Variants in CYB561D1 observed in about 807,000 individuals in gnomAD.
The protein encoded by CYB561D1 is probable transmembrane reductase CYB561D1.
CYB561D1 carries 15 observed loss-of-function variants against 19.2 expected under a neutral mutation model. That is an observed-to-expected ratio of 0.78 (90% confidence interval 0.52 to 1.20). The LOEUF (loss-of-function observed/expected upper bound fraction) is 1.20. CYB561D1 is among the 50% of genes most tolerant of loss of function. The pLI is 0.00. For missense variants in CYB561D1, 297 were observed against 287.3 expected, an observed-to-expected ratio of 1.03 and a Z score of -0.24; for synonymous variants, 133 against 120.6, an observed-to-expected ratio of 1.10 and a Z score of -0.68.
chr1:109,495,075 G>A (rs1657445199), intron 1 of CYB561D1, 68 bp from the exon 2 acceptor site: 3 of 1,550,904 alleles, frequency 1.9e-6, no homozygotes, highest in Non-Finnish European at 2.7e-6. Flanking sequence ...AGATTCTTTG[G>A]GTTCCACCTA....
rs986443910 is a variant in CYB561D1, at chr1:109,495,199, C to A, written c.186+19C>A. The A allele has an allele frequency of 6.2e-7, 1 of 1,614,070 alleles. No homozygotes were observed. Among genetic ancestry groups the A allele is most frequent in the Non-Finnish European group, 8.5e-7 (1 of 1,179,918 alleles). The stretch of plus-strand genomic sequence containing the variant: ...CTTGGCGGTGAGTTTAGGCTTCTAT[C>A]TGATTTGTTTGGGTATTCCTCACCT... On this transcript the variant is annotated intron_variant, in intron 2 of 2. Coordinates refer to ENST00000420578, the MANE Select transcript of CYB561D1 (RefSeq NM_182580.3).
In CYB561D1 at chr1:109,496,210, T is replaced by C; in HGVS notation, c.641T>C (p.Met214Thr). ...ALPVYPALVI[M>T]HQISRSYLPR... ...CCCGTCTATCCAGCCCTGGTGATCATGCACCAGATTTCCAGATCCTACTTG... is the reference window on the plus strand; with the variant it reads ...CCCGTCTATCCAGCCCTGGTGATCACGCACCAGATTTCCAGATCCTACTTG... Residue 214 changes from methionine (M) to threonine (T), a missense_variant, in exon 3 of 3, where the codon ATG (methionine) becomes ACG (threonine). Transcript: ENST00000420578. The C allele has an allele frequency of 6.3e-7, 1 of 1,581,576 alleles. No homozygotes were observed. The highest frequency in any genetic ancestry group is 8.6e-7 in the Non-Finnish European group (1 of 1,157,624).
In CYB561D1 at chr1:109,498,518, AG is replaced by A. The variant is rs1455280447; in HGVS notation, c.*2262del. Reference sequence around the variant, plus strand: ...TTCATCCTGGCAGGCCGGATTGTGGAGGGACTTCCCTCCCCCTCTTTTCCAT... The same window carrying A: ...TTCATCCTGGCAGGCCGGATTGTGGAGGACTTCCCTCCCCCTCTTTTCCAT... On this transcript the variant is annotated 3_prime_UTR_variant, in exon 3 of 3. Transcript: ENST00000420578. 2 of 152,122 alleles carry A rather than the reference AG, an allele frequency of 1.3e-5. No homozygotes were observed. Among genetic ancestry groups the A allele is most frequent in the Non-Finnish European group, 2.9e-5 (2 of 68,080 alleles). The allele number at this position is 152,122 out of a possible 1,614,324, so 9.4% of individuals were successfully genotyped here.
In CYB561D1 at chr1:109,495,164, T is replaced by TA. The variant is rs756805583; in HGVS notation, c.171dup (p.Phe58IlefsTer12). ...TTAGGTCTTTTCTCCTGGCACCCTGTATTCATGGCCTTGGCGGTGAGTTTA... is the reference window on the plus strand; with the variant it reads ...TTAGGTCTTTTCTCCTGGCACCCTGTAATTCATGGCCTTGGCGGTGAGTTTA... On this transcript the variant is annotated frameshift_variant, in exon 2 of 3. Coordinates refer to ENST00000420578, the MANE Select transcript of CYB561D1 (RefSeq NM_182580.3). LOFTEE classifies it high-confidence loss of function. The TA allele has an allele frequency of 2.4e-5, 38 of 1,614,128 alleles. No individual in the cohort carries two copies. Among genetic ancestry groups the TA allele is most frequent in the Non-Finnish European group, 3.2e-5 (38 of 1,180,048 alleles).
At position 109,495,920 on chromosome 1, in the gene CYB561D1, CA is replaced by C; in HGVS notation, c.352del (p.Ser118ValfsTer16). On this transcript the variant is annotated frameshift_variant, in exon 3 of 3. Coordinates refer to ENST00000420578, the MANE Select transcript of CYB561D1 (RefSeq NM_182580.3). LOFTEE classifies it high-confidence loss of function. ...GCTTCATCATCTCCAGCAGGACCCG[CA>C]GTGAGCTGCCTCATCTGGTGTCCTG... ...LGFIISSRTR[S>X]ELPHLVSWHS... is the part of the protein sequence containing the mutation. The C allele has an allele frequency of 6.2e-7, 1 of 1,614,068 alleles. No individual in the cohort carries two copies. Among genetic ancestry groups the C allele is most frequent in the Non-Finnish European group, 8.5e-7 (1 of 1,180,018 alleles).
intron 2 of CYB561D1, chr1:109,495,552 A>C: frequency 1.1e-6 from 1 of 912,272 alleles, no homozygotes; most frequent in Non-Finnish European, 1.6e-6. Flanking sequence ...GGATGGGGAG[A>C]TGTCAACCTG....
chr1:109,495,231 C>G, intron 2 of CYB561D1, 51 bp downstream of exon 2: 1 of 1,595,062 alleles, frequency 6.3e-7, no homozygotes, highest in South Asian at 1.1e-5. Context: ...ACCTCATTCT[C>G]CCAGGGAAGC....
rs1450346820 is a variant in CYB561D1, at chr1:109,498,132, C to T, written c.*1873C>T. ...GTGCTGAGAGGCTCCTTCTACCTGC[C>T]GCAGGGTAGGAGGGCCAGGCAAAGT... On this transcript the variant is annotated 3_prime_UTR_variant, in exon 3 of 3. Transcript: ENST00000420578. 1.3e-5 allele frequency: 2 copies of T among 152,186 alleles called. No homozygotes were observed. The highest frequency in any genetic ancestry group is 4.8e-5 in the African/African-American group (2 of 41,422). 9.4% of individuals were successfully genotyped at this position (152,186 alleles called of 1,614,324 possible).
In CYB561D1 at chr1:109,498,285, G is replaced by T. The variant is rs1657688601; in HGVS notation, c.*2026G>T. ...CAGGCGTGCTGACAGCCGGCAGTTTGCGTGGGCTGTGCCATCTGATGTCTA... is the reference window on the plus strand; with the variant it reads ...CAGGCGTGCTGACAGCCGGCAGTTTTCGTGGGCTGTGCCATCTGATGTCTA... On this transcript the variant is annotated 3_prime_UTR_variant, in exon 3 of 3. Transcript: ENST00000420578. The T allele has an allele frequency of 6.6e-6, 1 of 152,406 alleles. No individual in the cohort carries two copies. Among genetic ancestry groups the T allele is most frequent in the Non-Finnish European group, 1.5e-5 (1 of 68,138 alleles). The allele number at this position is 152,406 out of a possible 1,614,324, so 9.4% of individuals were successfully genotyped here.
In CYB561D1 at chr1:109,499,101, C is replaced by G. The variant is rs2275277; in HGVS notation, c.*2842C>G. On this transcript the variant is annotated 3_prime_UTR_variant, in exon 3 of 3. Transcript: ENST00000420578. Reference sequence around the variant, plus strand: ...GGTTCAGATACCCCTCCCAAGCCCCCGTCTTTTCTGTAACCACCCCTCCTC... The same window carrying G: ...GGTTCAGATACCCCTCCCAAGCCCCGGTCTTTTCTGTAACCACCCCTCCTC... The G allele has an allele frequency of 3.3e-5, 5 of 152,122 alleles. No homozygotes were observed. The highest frequency in any genetic ancestry group is 3.3e-4 in the Admixed American group (5 of 15,280). 9.4% of individuals were successfully genotyped at this position (152,122 alleles called of 1,614,324 possible).
chr1:109,499,927 C>T lies in CYB561D1; in HGVS notation c.*3668C>T, dbSNP rs1282688384. 1 of 152,306 alleles carries T rather than the reference C, an allele frequency of 6.6e-6. No individual in the cohort carries two copies. Among genetic ancestry groups the T allele is most frequent in the Non-Finnish European group, 1.5e-5 (1 of 68,084 alleles). 9.4% of individuals were successfully genotyped at this position (152,306 alleles called of 1,614,324 possible). ...GCCACGCCTTGCAGTGACTTCTCGT[C>T]TGGGAGTGGGCACTGAGTCCTCTCA... On this transcript the variant is annotated 3_prime_UTR_variant, in exon 3 of 3. Coordinates refer to ENST00000420578, the MANE Select transcript of CYB561D1 (RefSeq NM_182580.3).
In CYB561D1 at chr1:109,494,298, G is replaced by A. The variant is rs1657354062; in HGVS notation, c.148+11G>A. ...CCCGGCCAGGAACCAGTGAGTGTGC[G>A]GGGCGGGGTTGCGGAAGGGGGCGGA... On this transcript the variant is annotated intron_variant, in intron 1 of 2. Transcript: ENST00000420578. 1.9e-6 allele frequency: 3 copies of A among 1,573,482 alleles called. No individual in the cohort carries two copies. The highest frequency in any genetic ancestry group is 2.3e-5 in the East Asian group (1 of 43,292).
chr1:109,494,861 C>CA (rs1020034254), intron 1 of CYB561D1, among the ~76,000 whole-genome samples: 6 of 150,524 alleles, frequency 4.0e-5, no homozygotes, highest in Non-Finnish European at 7.4e-5. Context: ...AAACAACAAC[C>CA]AAAAAAAACA....
chr1:109,495,301 G>A (rs1657461555), intron 2 of CYB561D1, 121 bp downstream of exon 2: 1 of 1,187,220 alleles, frequency 8.4e-7, no homozygotes, highest in Non-Finnish European at 1.2e-6. Context: ...AAACATCTAG[G>A]GCTCATCTTT....
rs760046325 is a variant in CYB561D1 at position 109,494,245 on chromosome 1, G to C, written c.106G>C (p.Gly36Arg). 5 of 1,584,080 alleles carry C rather than the reference G, an allele frequency of 3.2e-6. No individual in the cohort carries two copies. The South Asian group carries it at 5.8e-5, about 18-fold the overall frequency. ...GATCTTGGCGCACCTGGTAGCTTTG[G>C]GCTTCACCATCTTTCTGACAGCGCT... ...SGILAHLVALGFTIFLTALSR... is the reference protein window; with the variant it reads ...SGILAHLVALRFTIFLTALSR... The change falls in exon 1 of 3, where the codon GGC becomes CGC. Residue 36 changes from glycine to arginine, a missense_variant. Gly to Arg is a moderately radical substitution (Grantham distance 125, BLOSUM62 -2). Coordinates refer to ENST00000420578, the MANE Select transcript of CYB561D1 (RefSeq NM_182580.3).
rs1219914792 is a variant in CYB561D1 at position 109,499,715 on chromosome 1, C to T, written c.*3456C>T. On this transcript the variant is annotated 3_prime_UTR_variant, in exon 3 of 3. Coordinates refer to ENST00000420578, the MANE Select transcript of CYB561D1 (RefSeq NM_182580.3). ...GCATCCTCCCTAAGCCAGCTGGCCG[C>T]TGTGCTAAAGCCTGTTCAGAGTTAA... is the stretch of plus-strand genomic sequence containing the variant. 6.6e-6 allele frequency: 1 copy of T among 152,248 alleles called. No individual in the cohort carries two copies. The highest frequency in any genetic ancestry group is 1.5e-5 in the Non-Finnish European group (1 of 68,074). 9.4% of individuals were successfully genotyped at this position (152,248 alleles called of 1,614,324 possible).
At position 109,494,293 on chromosome 1, in the gene CYB561D1, T is replaced by C; in HGVS notation, c.148+6T>C. 1 of 1,578,290 alleles carries C rather than the reference T, an allele frequency of 6.3e-7. No individual in the cohort carries two copies. The highest frequency in any genetic ancestry group is 8.6e-7 in the Non-Finnish European group (1 of 1,160,882). Reference sequence around the variant, plus strand: ...GCTGTCCCGGCCAGGAACCAGTGAGTGTGCGGGGCGGGGTTGCGGAAGGGG... The same window carrying C: ...GCTGTCCCGGCCAGGAACCAGTGAGCGTGCGGGGCGGGGTTGCGGAAGGGG... On this transcript the variant is annotated splice_donor_region_variant and intron_variant, in intron 1 of 2. Transcript: ENST00000420578.
chr1:109,494,672 A>G, intron 1 of CYB561D1: 1 of 974,080 alleles, frequency 1.0e-6, no homozygotes, highest in Non-Finnish European at 1.4e-6. Flanking sequence ...CCCCGTCTCT[A>G]CTAAGAATAC....
rs1422305010 is a variant in CYB561D1, at chr1:109,498,694, C to T, written c.*2435C>T. ...CTTGTGTGTTCCCTCCTCCGCCATC[C>T]TCTGTTCCCCGCACCTCCCTTATTC... is the stretch of plus-strand genomic sequence containing the variant. On this transcript the variant is annotated 3_prime_UTR_variant, in exon 3 of 3. Coordinates refer to ENST00000420578, the MANE Select transcript of CYB561D1 (RefSeq NM_182580.3). The T allele has an allele frequency of 1.3e-5, 2 of 152,286 alleles. No homozygotes were observed. The highest frequency in any genetic ancestry group is 2.9e-5 in the Non-Finnish European group (2 of 68,166). 9.4% of individuals were successfully genotyped at this position (152,286 alleles called of 1,614,324 possible).
Sources: allele counts gnomAD v4.1 joint callset (sites outside exome capture counted in the v4.1 genomes callset), GRCh38; gene constraint gnomAD v4.1.1; transcripts MANE v1.5; gene names NCBI Gene and HGNC (gene_info 2026-07-23, HGNC 2026-07-21).